HLA-DRB1: variants seen among roughly 807,000 people sequenced by gnomAD.
HLA-DRB1 encodes the protein major histocompatibility complex, class II, DR beta 1.
A neutral mutation model predicts 27.9 loss-of-function variants in HLA-DRB1; 10 were observed. The ratio of observed to expected loss-of-function variants is 0.36; its 90% confidence interval spans 0.22 to 0.61. The LOEUF (loss-of-function observed/expected upper bound fraction) is 0.61. HLA-DRB1 is among the 20% of genes least tolerant of loss of function. The pLI, the probability that HLA-DRB1 is intolerant of heterozygous loss-of-function variation, is 0.73. For missense variants in HLA-DRB1, 118 were observed against 306.3 expected, an observed-to-expected ratio of 0.39 and a Z score of 4.59; for synonymous variants, 57 against 126.7, an observed-to-expected ratio of 0.45 and a Z score of 3.69.
At chr6:32,586,136 A>AGTG (rs1471753813) in intron 1 of HLA-DRB1, among the ~76,000 whole-genome samples, 179 of 91,398 alleles carry the variant, frequency 2.0e-3, no homozygotes, top group Admixed American at 3.9e-3. Context: ...GGCTCTCCGT[A>AGTG]TTTCCTCGCT....
Position 32,584,286 on chromosome 6 carries a change from C to A in HLA-DRB1, c.193G>T (p.Glu65Ter), listed in dbSNP as rs773064485. ...ACGTCGCTGTCGAAGCGCACGGACT[C>A]CTCCTGGTTATAGAAGTATCTGTCC... Residue 65 changes from glutamate (E) to a stop codon, truncating the protein, a stop_gained, in exon 2 of 6, where the codon GAG (glutamate) becomes TAG (stop). Coordinates refer to ENST00000360004, the Ensembl canonical transcript of HLA-DRB1. LOFTEE classifies it high-confidence loss of function. The A allele has an allele frequency of 1.4e-6, 2 of 1,447,462 alleles. No individual in the cohort carries two copies. Among genetic ancestry groups the A allele is most frequent in the South Asian group, 1.1e-5 (1 of 87,300 alleles). The allele number at this position is 1,447,462 out of a possible 1,614,324, so 89.7% of individuals were successfully genotyped here.
chr6:32,589,706 T>C (rs9270303), exon 1 of HLA-DRB1: 614,469 of 956,764 alleles, frequency 0.64, 235,281 homozygotes, highest in Admixed American at 0.72. Flanking sequence ...GTCAGCGCTG[T>C]CATGCAGGAG....
chr6:32,582,951 A>T (rs28724027), intron 2 of HLA-DRB1, among the ~76,000 whole-genome samples: 5,623 of 115,618 alleles, frequency 0.049, 199 homozygotes, highest in Admixed American at 0.06. Flanking sequence ...CATTAATAAA[A>T]ATGTTGCAAT....
chr6:32,583,390 A>T (rs1239279725), intron 2 of HLA-DRB1, among the ~76,000 whole-genome samples: 1 of 36,456 alleles, frequency 2.7e-5, no homozygotes, highest in Admixed American at 3.6e-4. Flanking sequence ...CTAGAAAACT[A>T]CCAGCATTAT....
At chr6:32,584,841 A>C (rs201918631) in intron 1 of HLA-DRB1, among the ~76,000 whole-genome samples, 10,024 of 109,110 alleles carry the variant, frequency 0.092, 3 homozygotes, top group Admixed American at 0.15. Flanking sequence ...AATCCAAACG[A>C]GGGAAAACAG....
chr6:32,579,375 T>G (rs9269703), intron 5 of HLA-DRB1, among the ~76,000 whole-genome samples: 17,511 of 66,314 alleles, frequency 0.26, 5,263 homozygotes, highest in Non-Finnish European at 0.29. Context: ...TGGTGTGTCC[T>G]GAGTTTGTTC....
intron 1 of HLA-DRB1, among the ~76,000 whole-genome samples, chr6:32,587,852 G>T (rs17203741): frequency 0.028 from 3,680 of 132,880 alleles, 7 homozygotes; most frequent in East Asian, 0.036. Flanking sequence ...ATGAGAGTAG[G>T]GACGCTCTCT....
rs36024050 is a variant in HLA-DRB1 at position 32,579,119 on chromosome 6, G to A, written c.788-15C>T. 241 of 930,214 alleles carry A rather than the reference G, an allele frequency of 2.6e-4. 2 individuals are homozygous for A. Among genetic ancestry groups the A allele is most frequent in the Admixed American group, 2.5e-4 (6 of 24,394 alleles). 57.6% of individuals were successfully genotyped at this position (930,214 alleles called of 1,614,324 possible). On this transcript the variant is annotated splice_polypyrimidine_tract_variant and intron_variant, in intron 5 of 5. Coordinates refer to ENST00000360004, the Ensembl canonical transcript of HLA-DRB1. Reference sequence around the variant, plus strand: ...GCTCAGGAATCCTGCAAAAGACAGAGGAGAGTGTTGTTTTCAACCTGGCTC... The same window carrying A: ...GCTCAGGAATCCTGCAAAAGACAGAAGAGAGTGTTGTTTTCAACCTGGCTC...
chr6:32,582,217 T>C (rs1481973835), intron 2 of HLA-DRB1, among the ~76,000 whole-genome samples: 1 of 146,342 alleles, frequency 6.8e-6, no homozygotes, highest in Non-Finnish European at 1.5e-5. Context: ...TTCTTCTGTG[T>C]CTCAACTTTG....
At chr6:32,585,261 T>C (rs1472708827) in intron 1 of HLA-DRB1, among the ~76,000 whole-genome samples, 2 of 81,702 alleles carry the variant, frequency 2.4e-5, no homozygotes, top group African/African-American at 1.1e-4. Flanking sequence ...CTGGTACATA[T>C]GAATATCAGA....
chr6:32,580,503 G>A (rs9269761), intron 4 of HLA-DRB1, among the ~76,000 whole-genome samples: 49,970 of 99,796 alleles, frequency 0.5, 15,280 homozygotes, highest in Middle Eastern at 0.68. Flanking sequence ...ATTTGCTCCA[G>A]GATCTCAAAC....
chr6:32,584,786 A>C (rs9269988), intron 1 of HLA-DRB1, among the ~76,000 whole-genome samples: 15,606 of 70,270 alleles, frequency 0.22, 89 homozygotes, highest in East Asian at 0.31. Context: ...CCCTGTGAAC[A>C]CTTCCTTAGT....
In HLA-DRB1 at chr6:32,580,880, T is replaced by C. The variant is rs761138952; in HGVS notation, c.653-24A>G. ...TCCTGAGAGAGGAAGCCAGGTTTAG[T>C]GATGTTTATTCCAAATTGAACCTTT... On this transcript the variant is annotated intron_variant, in intron 3 of 5. Transcript: ENST00000360004. 5.3e-6 allele frequency: 3 copies of C among 561,728 alleles called. No homozygotes were observed. In the African/African-American group the frequency reaches 1.4e-4, roughly 27 times the overall value. The allele number at this position is 561,728 out of a possible 1,614,324, so 34.8% of individuals were successfully genotyped here.
exon 1 of HLA-DRB1, chr6:32,589,659 C>G (rs201614260): frequency 0.038 from 35,805 of 945,392 alleles, 4,086 homozygotes; most frequent in African/African-American, 0.14. Flanking sequence ...TGTCCCCAGA[C>G]AAAGCCAGTG....
At chr6:32,586,429 T>C (rs1247790690) in intron 1 of HLA-DRB1, among the ~76,000 whole-genome samples, 1 of 89,860 alleles carries the variant, frequency 1.1e-5, no homozygotes, top group Non-Finnish European at 2.2e-5. Context: ...CTCTTAGTGG[T>C]ACTCACCACA....
intron 1 of HLA-DRB1, among the ~76,000 whole-genome samples, chr6:32,587,586 CT>C (rs869032708): frequency 1.2e-5 from 1 of 86,288 alleles, no homozygotes; most frequent in Non-Finnish European, 2.3e-5. Flanking sequence ...CACATCAGGG[CT>C]TTCCCCCGAT....
intron 1 of HLA-DRB1, among the ~76,000 whole-genome samples, chr6:32,587,595 G>C (rs9270151): frequency 0.25 from 15,217 of 60,222 alleles, 2,998 homozygotes; most frequent in Admixed American, 0.3. Context: ...GCTTTCCCCC[G>C]ATTCGGTCTC....
exon 1 of HLA-DRB1, chr6:32,589,709 T>C (rs201540428): frequency 1.1e-4 from 125 of 1,168,898 alleles, no homozygotes; most frequent in African/African-American, 6.9e-4. Context: ...AGCGCTGTCA[T>C]GCAGGAGCCT....
chr6:32,580,440 GT>G (rs1775262302), intron 4 of HLA-DRB1, among the ~76,000 whole-genome samples, 170 bp from the exon 5 acceptor site: 1 of 123,906 alleles, frequency 8.1e-6, no homozygotes, highest in African/African-American at 2.8e-5. Flanking sequence ...GAAGCCTGAA[GT>G]GTCTGTCACA....
Sources: gnomAD v4.1 joint callset for allele counts (sites outside exome capture counted in the v4.1 genomes callset) on GRCh38, gnomAD v4.1.1 for gene constraint, MANE v1.5 for transcripts, NCBI Gene and HGNC (gene_info 2026-07-23, HGNC 2026-07-21) for gene names.